DTWD2: variants seen among roughly 807,000 people sequenced by gnomAD.
DTWD2 encodes DTW motif tRNA-uridine aminocarboxypropyltransferase 2, also known as tRNA-uridine aminocarboxypropyltransferase 2.
Under a neutral mutation model 31.8 loss-of-function variants are expected in DTWD2, and 39 were observed. That is an observed-to-expected ratio of 1.22 (90% confidence interval 0.95 to 1.60). DTWD2 has a LOEUF of 1.60. Ranked by LOEUF, DTWD2 falls within the 40% of genes most tolerant of loss-of-function variation. DTWD2 has a pLI of 0.00. For missense variants in DTWD2, 515 were observed against 381.5 expected, an observed-to-expected ratio of 1.35 and a Z score of -2.92; for synonymous variants, 180 against 142.8, an observed-to-expected ratio of 1.26 and a Z score of -1.86.
chr5:118,890,562 CTTTTTTTTTTTT>C (rs973397760), intron 4 of DTWD2, among the ~76,000 whole-genome samples: 26 of 71,252 alleles, frequency 3.6e-4, no homozygotes, highest in Admixed American at 1.9e-4. Flanking sequence ...TTAGGTTTTC[CTTTTTTTTTTTT>C]TTTTTTTTTT....
chr5:118,876,420 T>C (rs1287495144), intron 4 of DTWD2, among the ~76,000 whole-genome samples: 1 of 151,992 alleles, frequency 6.6e-6, no homozygotes, highest in Non-Finnish European at 1.5e-5. Context: ...TGAAAAACCA[T>C]TCAAAAGACC....
rs1751619270 is a variant in DTWD2 at position 118,838,233 on chromosome 5, G to A, written c.*2684C>T. On this transcript the variant is annotated 3_prime_UTR_variant, in exon 6 of 6. Coordinates refer to ENST00000510708, the MANE Select transcript of DTWD2 (RefSeq NM_173666.4). ...ATTTTCAACATACTATAAAGGAGCTGATTAAAAGTGAGGTCACTTTATGTA... is the reference window on the plus strand; with the variant it reads ...ATTTTCAACATACTATAAAGGAGCTAATTAAAAGTGAGGTCACTTTATGTA... 2.0e-5 allele frequency: 3 copies of A among 152,098 alleles called. No individual in the cohort carries two copies. The allele number at this position is 152,098 out of a possible 1,614,324, so 9.4% of individuals were successfully genotyped here.
At chr5:118,859,412 T>C (rs1367903136) in intron 4 of DTWD2, among the ~76,000 whole-genome samples, 2 of 152,246 alleles carry the variant, frequency 1.3e-5, no homozygotes, top group Admixed American at 6.5e-5. Context: ...GTATTATGAA[T>C]TAATGGCATA....
rs906325755 is a variant in DTWD2 at position 118,957,368 on chromosome 5, C to T, written c.219-12719G>A. Among the ~76,000 whole-genome samples the T allele has an allele frequency of 4.6e-5, 7 of 151,878 alleles. No homozygotes were observed. The East Asian group carries it at 7.7e-4, about 17-fold the overall frequency. ...TCCCAAGTAGCTGGGATTACAGGGGCGCGCCACCATGCCTGGCTAATTTTT... is the reference window on the plus strand; with the variant it reads ...TCCCAAGTAGCTGGGATTACAGGGGTGCGCCACCATGCCTGGCTAATTTTT... On this transcript the variant is annotated intron_variant, in intron 1 of 5. Transcript: ENST00000510708.
intron 1 of DTWD2, among the ~76,000 whole-genome samples, chr5:118,980,240 G>T (rs1268364263): frequency 3.9e-5 from 6 of 152,178 alleles, no homozygotes; most frequent in African/African-American, 1.4e-4. Flanking sequence ...AAAAATTCAG[G>T]AACACACTAA....
At chr5:118,894,977 G>A (rs1753050449) in intron 4 of DTWD2, among the ~76,000 whole-genome samples, 1 of 152,028 alleles carries the variant, frequency 6.6e-6, no homozygotes, top group Non-Finnish European at 1.5e-5. Flanking sequence ...TTACACCACC[G>A]TTATGCAACA....
At position 118,968,797 on chromosome 5, in the gene DTWD2, G is replaced by A. The variant is rs369928781; in HGVS notation, c.218+19497C>T. Among the ~76,000 whole-genome samples, 29 of 152,302 alleles carry A rather than the reference G, an allele frequency of 1.9e-4. No individual in the cohort carries two copies. The East Asian group carries it at 2.7e-3, about 14-fold the overall frequency. On this transcript the variant is annotated intron_variant, in intron 1 of 5. Coordinates refer to ENST00000510708, the MANE Select transcript of DTWD2 (RefSeq NM_173666.4). The stretch of plus-strand genomic sequence containing the variant: ...TCCATCCATGCCTTCCCCTAGGAAG[G>A]GGGCTGAATCCAGGGGGCCAAGCAG...
chr5:118,907,907 G>T (rs374351617), intron 4 of DTWD2, among the ~76,000 whole-genome samples: 8 of 152,012 alleles, frequency 5.3e-5, no homozygotes, highest in African/African-American at 1.5e-4. Flanking sequence ...TGCTTTACTC[G>T]ATCAATAAAA....
chr5:118,887,164 G>C (rs1228402260), intron 4 of DTWD2, among the ~76,000 whole-genome samples: 1 of 152,058 alleles, frequency 6.6e-6, no homozygotes, highest in East Asian at 1.9e-4. Flanking sequence ...TCAAATCCTG[G>C]ATCTGCCACT....
chr5:118,887,989 G>A (rs1247086728), intron 4 of DTWD2, among the ~76,000 whole-genome samples: 1 of 152,128 alleles, frequency 6.6e-6, no homozygotes, highest in Non-Finnish European at 1.5e-5. Context: ...AATACCATCT[G>A]CAACTGTGCA....
chr5:118,896,694 T>TA (rs1753091559), intron 4 of DTWD2, among the ~76,000 whole-genome samples: 5 of 152,260 alleles, frequency 3.3e-5, no homozygotes, highest in Admixed American at 6.5e-5. Flanking sequence ...CAATTAATAC[T>TA]GCTCAGAATA....
chr5:118,960,912 G>A (rs1418240469), intron 1 of DTWD2, among the ~76,000 whole-genome samples: 1 of 152,106 alleles, frequency 6.6e-6, no homozygotes, highest in Non-Finnish European at 1.5e-5. Flanking sequence ...AATAGACATT[G>A]AGGCCTAATT....
At chr5:118,842,904 A>G in intron 5 of DTWD2, among the ~76,000 whole-genome samples, 1 of 150,624 alleles carries the variant, frequency 6.6e-6, no homozygotes, top group Non-Finnish European at 1.5e-5. Flanking sequence ...CCACGATCAT[A>G]CCACTGCACT....
intron 1 of DTWD2, among the ~76,000 whole-genome samples, chr5:118,981,977 T>G (rs1441488783): frequency 6.6e-6 from 1 of 152,190 alleles, no homozygotes. Flanking sequence ...CATTATTATG[T>G]GGTGTAGCAA....
intron 4 of DTWD2, among the ~76,000 whole-genome samples, chr5:118,862,213 T>C (rs1049485526): frequency 4.6e-5 from 7 of 152,166 alleles, no homozygotes; most frequent in Non-Finnish European, 2.9e-5. Flanking sequence ...AATAGTTTCA[T>C]CCCAAAACCA....
chr5:118,921,275 G>T (rs2149575378), intron 4 of DTWD2, among the ~76,000 whole-genome samples: 1 of 152,194 alleles, frequency 6.6e-6, no homozygotes, highest in Middle Eastern at 3.4e-3. Context: ...CCCTTGAGAG[G>T]CTGAGGCAGG....
intron 4 of DTWD2, among the ~76,000 whole-genome samples, chr5:118,878,268 A>G (rs1752665287): frequency 2.0e-5 from 3 of 152,240 alleles, no homozygotes; most frequent in Admixed American, 2.0e-4. Context: ...ACTATACTAC[A>G]GGGCTACAGT....
intron 4 of DTWD2, among the ~76,000 whole-genome samples, chr5:118,895,822 TAGA>T (rs1753072693): frequency 6.6e-6 from 1 of 152,152 alleles, no homozygotes; most frequent in Admixed American, 6.5e-5. Context: ...TGCAGAAGGA[TAGA>T]ACTATTATAT....
rs1755485826 is a variant in DTWD2, at chr5:118,988,403, C to T, written c.109G>A (p.Val37Met). The change falls in exon 1 of 6, where the codon GTG becomes ATG. Residue 37 changes from valine (V) to methionine (M), a missense_variant. Val to Met is a conservative substitution (Grantham distance 21, BLOSUM62 1). Transcript: ENST00000510708. Reference sequence around the variant, plus strand: ...GCGCCCAGGGCAGCCGCCGCCGGCACTGCGCCGCCCTCCCGCCGCTCCTTG... The same window carrying T: ...GCGCCCAGGGCAGCCGCCGCCGGCATTGCGCCGCCCTCCCGCCGCTCCTTG... ...NDKERREGGA[V>M]PAAAALGAEA... 2 of 1,598,328 alleles carry T rather than the reference C, an allele frequency of 1.3e-6. No individual in the cohort carries two copies. The highest frequency in any genetic ancestry group is 1.7e-5 in the Admixed American group (1 of 58,522).
Sources: gnomAD v4.1 joint callset for allele counts (sites outside exome capture counted in the v4.1 genomes callset) on GRCh38, gnomAD v4.1.1 for gene constraint, MANE v1.5 for transcripts, NCBI Gene and HGNC (gene_info 2026-07-23, HGNC 2026-07-21) for gene names.